GALNT16: variants seen among roughly 807,000 people sequenced by gnomAD.
The protein encoded by GALNT16 is polypeptide N-acetylgalactosaminyltransferase 16.
In GALNT16, 40 loss-of-function variants were observed where a neutral mutation model predicts 76.1. The observed-to-expected ratio is 0.53, with a 90% CI of 0.41 to 0.68. The LOEUF is 0.68. Among genes scored for constraint, GALNT16 ranks in the 30% least tolerant of loss-of-function variants. GALNT16 has a pLI of 0.00. For missense variants in GALNT16, 621 were observed against 731.9 expected, an observed-to-expected ratio of 0.85 and a Z score of 1.75; for synonymous variants, 276 against 285.2, an observed-to-expected ratio of 0.97 and a Z score of 0.32.
chr14:69,275,329 G>A (rs867841615), intron 1 of GALNT16, among the ~76,000 whole-genome samples: 2 of 152,250 alleles, frequency 1.3e-5, no homozygotes, highest in South Asian at 2.1e-4. Flanking sequence ...CACCCACTTG[G>A]GATGGAGTAC....
the GALNT16 span, among the ~76,000 whole-genome samples, chr14:69,382,700 G>A: frequency 8.6e-5 from 13 of 151,280 alleles, no homozygotes; most frequent in Non-Finnish European, 1.5e-4. Context: ...TTAGCTGGGC[G>A]TGGTGGCGCG....
chr14:69,324,547 A>G (rs1031987826), intron 2 of GALNT16, 145 bp from the exon 3 acceptor site: 14 of 488,666 alleles, frequency 2.9e-5, no homozygotes, highest in Admixed American at 2.2e-4. Flanking sequence ...ATGGGGGTGG[A>G]GGCGCGGGGC....
chr14:69,320,598 G>C (rs900588963), intron 1 of GALNT16, 113 bp from the exon 2 acceptor site: 4 of 814,328 alleles, frequency 4.9e-6, no homozygotes, highest in Non-Finnish European at 8.1e-6. Context: ...TAGAGTTGGC[G>C]TAAGGCACAA....
intron 1 of GALNT16, among the ~76,000 whole-genome samples, chr14:69,272,266 G>A (rs1224407253): frequency 2.0e-5 from 3 of 152,174 alleles, no homozygotes; most frequent in Admixed American, 6.5e-5. Context: ...AGGAAGGGGA[G>A]GCACAAGAAT....
At chr14:69,270,049 G>T (rs1594810130) in intron 1 of GALNT16, among the ~76,000 whole-genome samples, 1 of 151,966 alleles carries the variant, frequency 6.6e-6, no homozygotes, top group African/African-American at 2.4e-5. Context: ...CTGGTTCGTG[G>T]TGTTCTCTTC....
rs754398353 is a variant in GALNT16, at chr14:69,325,982, A to C, written c.523A>C (p.Thr175Pro). 3.7e-6 allele frequency: 6 copies of C among 1,614,054 alleles called. No homozygotes were observed. The highest frequency in any genetic ancestry group is 5.1e-6 in the Non-Finnish European group (6 of 1,179,960). Residue 175 changes from threonine (T) to proline (P), a missense_variant, in exon 5 of 15, where the codon ACC becomes CCC. Physicochemically the swap from Thr to Pro is conservative, Grantham distance 38. Transcript: ENST00000448469. ...CTCAGCGGAAGACTGTCTACTCCTG[A>C]CCAGGATCCCCAAGGTCAAGTGCCT... ...SSDPEDCLLL[T>P]RIPKVKCLRN...
chr14:69,331,365 G>A (rs1375262462), intron 6 of GALNT16, 99 bp from the exon 7 acceptor site: 6 of 739,884 alleles, frequency 8.1e-6, no homozygotes, highest in Middle Eastern at 4.9e-4. Flanking sequence ...AGTGCTGAGT[G>A]CCCCATGTCT....
chr14:69,348,989 T>C (rs946308390), intron 14 of GALNT16: 1 of 152,330 alleles, frequency 6.6e-6, no homozygotes, highest in Non-Finnish European at 1.5e-5. Flanking sequence ...TGATTTGGCC[T>C]GCATGGTTTT....
chr14:69,339,440 G>A (rs1179642045), intron 10 of GALNT16, 87 bp from the exon 11 acceptor site: 5 of 826,168 alleles, frequency 6.1e-6, no homozygotes, highest in East Asian at 2.4e-5. Context: ...TCATCGTCCT[G>A]TATTCATGGA....
intron 1 of GALNT16, among the ~76,000 whole-genome samples, chr14:69,295,855 A>G (rs905344357): frequency 1.3e-5 from 2 of 152,172 alleles, no homozygotes; most frequent in African/African-American, 4.8e-5. Flanking sequence ...CAAGGAGTAT[A>G]AGAAGATATT....
At chr14:69,335,288 T>C (rs972551416) in intron 9 of GALNT16, among the ~76,000 whole-genome samples, 3 of 152,154 alleles carry the variant, frequency 2.0e-5, no homozygotes, top group African/African-American at 7.2e-5. Flanking sequence ...TCCCCCAGCT[T>C]TGTAACTTGC....
chr14:69,331,472 C>T lies in GALNT16; in HGVS notation c.699C>T (p.Thr233=). ...PMLQRVKEDH[T]RVVSPIIDVI... ...TCACATCTCTCTCCTAGGACCACAC[C>T]CGCGTGGTGAGTCCCATCATTGATG... Residue 233 remains threonine (T), a synonymous_variant, in exon 7 of 15, where the codon ACC becomes ACT. Transcript: ENST00000448469. The T allele has an allele frequency of 1.3e-6, 2 of 1,593,388 alleles. No individual in the cohort carries two copies. Among genetic ancestry groups the T allele is most frequent in the Non-Finnish European group, 1.7e-6 (2 of 1,161,150 alleles).
chr14:69,346,954 A>C, intron 12 of GALNT16, 86 bp from the exon 13 acceptor site: 2 of 1,551,898 alleles, frequency 1.3e-6, no homozygotes, highest in Non-Finnish European at 1.8e-6. Context: ...GCGCTCCCAG[A>C]GCTGATAGGA....
intron 1 of GALNT16, among the ~76,000 whole-genome samples, chr14:69,299,946 T>C (rs2044826115): frequency 6.6e-6 from 1 of 152,170 alleles, no homozygotes; most frequent in Non-Finnish European, 1.5e-5. Context: ...AGCTCTGAGA[T>C]GTTACAAGAG....
the GALNT16 span, among the ~76,000 whole-genome samples, chr14:69,374,750 A>G: frequency 6.6e-6 from 1 of 152,212 alleles, no homozygotes; most frequent in African/African-American, 2.4e-5. Context: ...GGTAATTTAT[A>G]AACAATAGGA....
At chr14:69,346,442 G>A (rs1317809176) in intron 12 of GALNT16, among the ~76,000 whole-genome samples, 1 of 152,158 alleles carries the variant, frequency 6.6e-6, no homozygotes, top group Non-Finnish European at 1.5e-5. Flanking sequence ...GCCCTCCTGA[G>A]AAGCTGTGCT....
chr14:69,326,036 T>C lies in GALNT16; in HGVS notation c.568+9T>C, dbSNP rs371243863. 62 of 1,610,790 alleles carry C rather than the reference T, an allele frequency of 3.8e-5. No individual in the cohort carries two copies. The highest frequency in any genetic ancestry group is 4.8e-5 in the Non-Finnish European group (56 of 1,177,218). On this transcript the variant is annotated intron_variant, in intron 5 of 14. Transcript: ENST00000448469. Reference sequence around the variant, plus strand: ...CAATGATCGGCGGGAAGGTGAGTCCTTGCACCCTGGGTCCCACCAAGGGCC... The same window carrying C: ...CAATGATCGGCGGGAAGGTGAGTCCCTGCACCCTGGGTCCCACCAAGGGCC...
At chr14:69,381,754 T>C in the GALNT16 span, among the ~76,000 whole-genome samples, 1 of 152,148 alleles carries the variant, frequency 6.6e-6, no homozygotes, top group East Asian at 1.9e-4. Context: ...AGTGGTGCCA[T>C]CTTGGCTCAC....
At chr14:69,342,828 C>G (rs1448095546) in intron 12 of GALNT16, among the ~76,000 whole-genome samples, 1 of 152,176 alleles carries the variant, frequency 6.6e-6, no homozygotes, top group Non-Finnish European at 1.5e-5. Context: ...TTCCTCAGGC[C>G]TTGACTCAAA....
Sources: gnomAD v4.1 joint callset for allele counts (sites outside exome capture counted in the v4.1 genomes callset) on GRCh38, gnomAD v4.1.1 for gene constraint, MANE v1.5 for transcripts, NCBI Gene and HGNC (gene_info 2026-07-23, HGNC 2026-07-21) for gene names.